The following KCNQ2 variants were observed in gnomAD, a reference collection of about 807,000 sequenced individuals.
The protein encoded by KCNQ2 is potassium voltage-gated channel subfamily Q member 2.
KCNQ2 carries 14 observed loss-of-function variants against 84.8 expected under a neutral mutation model. That is an observed-to-expected ratio of 0.17 (90% CI 0.11 to 0.26). The LOEUF is 0.26. Among genes scored for constraint, KCNQ2 ranks in the 10% least tolerant of loss-of-function variants. The pLI, the probability that KCNQ2 is intolerant of heterozygous loss-of-function variation, is 1.00. For synonymous variants in KCNQ2, 599 were observed against 554.1 expected (o/e 1.08, Z -1.14); for missense variants, 788 against 1,254.0 (o/e 0.63, Z 5.61).
At position 63,403,821 on chromosome 20, in the gene KCNQ2, C is replaced by A. The variant is rs1321167926; in HGVS notation, c.*2823G>T. On this transcript the variant is annotated 3_prime_UTR_variant, in exon 17 of 17. Coordinates refer to ENST00000359125, the MANE Select transcript of KCNQ2 (RefSeq NM_172107.4). ...CACTCTAACAAACACTGCGGGAGCTCTTTGCCATGAGGTGGCACTGGTCCT... is the reference window on the plus strand; with the variant it reads ...CACTCTAACAAACACTGCGGGAGCTATTTGCCATGAGGTGGCACTGGTCCT... 1 of 152,284 alleles carries A rather than the reference C, an allele frequency of 6.6e-6. No homozygotes were observed. Among genetic ancestry groups the A allele is most frequent in the Non-Finnish European group, 1.5e-5 (1 of 68,060 alleles). The allele number at this position is 152,284 out of a possible 1,614,324, so 9.4% of individuals were successfully genotyped here. A position where few individuals can be genotyped will look rare whatever the true frequency, so the allele number is the denominator to read the frequency against.
chr20:63,413,647 T>C, intron 14 of KCNQ2, 66 bp from the exon 15 acceptor site: 4 of 1,591,918 alleles, frequency 2.5e-6, no homozygotes, highest in Non-Finnish European at 3.4e-6. Flanking sequence ...CACCAGGACC[T>C]TCCTAGCACC....
At chr20:63,450,147 C>T (rs990358008) in intron 1 of KCNQ2, among the ~76,000 whole-genome samples, 5 of 149,902 alleles carry the variant, frequency 3.3e-5, no homozygotes, top group African/African-American at 1.2e-4. Flanking sequence ...CACTTACAGG[C>T]CCCTCACCTC....
chr20:63,450,210 A>G (rs1393734347), intron 1 of KCNQ2, among the ~76,000 whole-genome samples: 1 of 150,734 alleles, frequency 6.6e-6, no homozygotes, highest in Non-Finnish European at 1.5e-5. Context: ...AAGTGCCCCA[A>G]ACCCTCTTCC....
intron 4 of KCNQ2, among the ~76,000 whole-genome samples, chr20:63,444,270 G>T (rs146663800): frequency 1.3e-5 from 2 of 152,220 alleles, no homozygotes; most frequent in East Asian, 1.9e-4. Context: ...GCCGCAAGCC[G>T]CAGCTTAAAC....
intron 1 of KCNQ2, among the ~76,000 whole-genome samples, chr20:63,457,322 A>C (rs2081829563): frequency 6.6e-6 from 1 of 152,208 alleles, no homozygotes; most frequent in African/African-American, 2.4e-5. Flanking sequence ...ACCTGAGCCT[A>C]AGGCCATGGG....
intron 14 of KCNQ2, among the ~76,000 whole-genome samples, chr20:63,413,879 G>A (rs990980338): frequency 2.6e-5 from 4 of 152,168 alleles, no homozygotes; most frequent in Admixed American, 2.0e-4. Context: ...TTGCTGAACC[G>A]GCATCCCACC....
chr20:63,450,272 C>T (rs958240713), intron 1 of KCNQ2, among the ~76,000 whole-genome samples: 3 of 151,338 alleles, frequency 2.0e-5, no homozygotes, highest in South Asian at 2.1e-4. Flanking sequence ...CCAGAGGTCA[C>T]GGCCCAGCAC....
Position 63,406,953 on chromosome 20 carries a change from G to T in KCNQ2, c.2310C>A (p.Asp770Glu). The change falls in exon 17 of 17, where the codon GAC becomes GAA. Residue 770 changes from aspartate (D) to glutamate (E), a missense_variant. Physicochemically the swap from Asp to Glu is conservative, Grantham distance 45. This residue lies in a region of KCNQ2 where 378 missense variants were observed against 434.5 expected (regional missense o/e 0.87). Coordinates refer to ENST00000359125, the MANE Select transcript of KCNQ2 (RefSeq NM_172107.4). ...RASMEFLRQE[D>E]TPGCRPPEGN... is the part of the protein sequence containing the mutation. ...CCTCGGGGGGCCTGCAGCCCGGGGT[G>T]TCCTCCTGCCGCAGGAACTCCATGC... 6.3e-7 allele frequency: 1 copy of T among 1,575,634 alleles called. No individual in the cohort carries two copies. Among genetic ancestry groups the T allele is most frequent in the East Asian group, 2.3e-5 (1 of 43,144 alleles).
rs79148976 is a variant in KCNQ2, at chr20:63,420,103, G to A, written c.1248-431C>T. On this transcript the variant is annotated intron_variant, in intron 11 of 16. Transcript: ENST00000359125. ...AGAGAGGAAAACGTGCAGTTGTCCC[G>A]CTTTGCAAACCAATCGGCGACGTTT... is the stretch of plus-strand genomic sequence containing the variant. Among the ~76,000 whole-genome samples, 869 of 152,294 alleles carry A rather than the reference G, an allele frequency of 5.7e-3. 6 individuals carry two copies. Among genetic ancestry groups the A allele is most frequent in the African/African-American group, 0.02 (829 of 41,552 alleles).
chr20:63,449,644 G>A (rs936222056), intron 1 of KCNQ2, among the ~76,000 whole-genome samples: 1 of 150,878 alleles, frequency 6.6e-6, no homozygotes, highest in Non-Finnish European at 1.5e-5. Context: ...GGGGAGCACC[G>A]CAGAGAGAGG....
intron 12 of KCNQ2, among the ~76,000 whole-genome samples, chr20:63,417,357 C>G (rs3865529): frequency 0.32 from 47,972 of 152,250 alleles, 9,119 homozygotes; most frequent in East Asian, 0.68. Flanking sequence ...TCAGGCAGGC[C>G]TCAGGGCAAG....
In KCNQ2 at chr20:63,419,709, G is replaced by A. The variant is rs556601138; in HGVS notation, c.1248-37C>T. 195 of 1,578,302 alleles carry A rather than the reference G, an allele frequency of 1.2e-4. 1 individual carries two copies. The highest frequency in any genetic ancestry group is 4.9e-4 in the Admixed American group (28 of 56,910). On this transcript the variant is annotated intron_variant, in intron 11 of 16. Coordinates refer to ENST00000359125, the MANE Select transcript of KCNQ2 (RefSeq NM_172107.4). ...GAGAGCACAGTTAGTCCTGGGCGCCGGCAACAGCACACGGCCGGGAGCAGG... is the reference window on the plus strand; with the variant it reads ...GAGAGCACAGTTAGTCCTGGGCGCCAGCAACAGCACACGGCCGGGAGCAGG...
intron 7 of KCNQ2, among the ~76,000 whole-genome samples, chr20:63,436,479 T>C (rs898592136): frequency 1.1e-4 from 16 of 150,108 alleles, no homozygotes; most frequent in Non-Finnish European, 2.2e-4. Context: ...TGCAGTGAGC[T>C]GAGATCGCAC....
intron 1 of KCNQ2, among the ~76,000 whole-genome samples, chr20:63,469,778 C>T (rs892010029): frequency 2.0e-5 from 3 of 152,250 alleles, no homozygotes; most frequent in African/African-American, 7.2e-5. Context: ...CAAATGCTGC[C>T]TAACACGCCA....
intron 1 of KCNQ2, chr20:63,448,651 G>C (rs2081508890): frequency 6.6e-6 from 1 of 152,262 alleles, no homozygotes; most frequent in Admixed American, 6.5e-5. Flanking sequence ...GTCCAGCCTG[G>C]GTTCCGGGCA....
intron 1 of KCNQ2, among the ~76,000 whole-genome samples, chr20:63,463,253 C>T (rs553630525): frequency 2.6e-4 from 40 of 152,122 alleles, no homozygotes; most frequent in African/African-American, 9.2e-4. Flanking sequence ...AGAGCGAGAC[C>T]CCCACACTTA....
At chr20:63,415,318 G>A (rs889778547) in intron 12 of KCNQ2, among the ~76,000 whole-genome samples, 192 bp from the exon 13 acceptor site, 1 of 149,046 alleles carries the variant, frequency 6.7e-6, no homozygotes, top group Non-Finnish European at 1.5e-5. Context: ...GGGAGGGAGG[G>A]AGGGGAGGCC....
chr20:63,456,977 G>C (rs941689079), intron 1 of KCNQ2, among the ~76,000 whole-genome samples: 3 of 152,286 alleles, frequency 2.0e-5, no homozygotes, highest in Admixed American at 2.0e-4. Context: ...AGCCTCCCTG[G>C]GGGCCCCGCT....
At chr20:63,443,087 T>A (rs1207528309) in intron 4 of KCNQ2, among the ~76,000 whole-genome samples, 2 of 15,418 alleles carry the variant, frequency 1.3e-4, no homozygotes, top group East Asian at 4.4e-3. Flanking sequence ...ACCACCACCA[T>A]TATCACCACC....
Sources: gnomAD v4.1 joint callset for allele counts (sites outside exome capture counted in the v4.1 genomes callset) on GRCh38, gnomAD v4.1.1 for gene constraint, gnomAD v4.1.1 regional missense constraint, MANE v1.5 for transcripts, NCBI Gene and HGNC (gene_info 2026-07-23, HGNC 2026-07-21) for gene names.